Variants in BRF1 observed in about 807,000 individuals in gnomAD.
BRF1 encodes BRF1 general transcription factor IIIB subunit, also known as transcription factor IIIB 90 kDa subunit.
Under a neutral mutation model 81.7 loss-of-function variants are expected in BRF1, and 59 were observed. That is an observed-to-expected ratio of 0.72 (90% CI 0.59 to 0.90). The LOEUF (loss-of-function observed/expected upper bound fraction) is 0.90, where lower values mean the gene tolerates loss of function less well. BRF1 is among the 40% of genes least tolerant of loss of function. BRF1 has a pLI of 0.00. For missense variants in BRF1, 1,050 were observed against 936.3 expected (o/e 1.12, Z -1.58); for synonymous variants, 491 against 395.6 (o/e 1.24, Z -2.86).
intron 3 of BRF1, among the ~76,000 whole-genome samples, chr14:105,259,012 G>A (rs1208346317): frequency 6.6e-6 from 1 of 152,210 alleles, no homozygotes; most frequent in Non-Finnish European, 1.5e-5. Flanking sequence ...TGTGGGGCAA[G>A]CACAGCTCAC....
At position 105,269,625 on chromosome 14, in the gene BRF1, G is replaced by A. The variant is rs2056573921; in HGVS notation, c.439+3096C>T. 6.6e-6 allele frequency among the ~76,000 whole-genome samples: 1 copy of A among 152,128 alleles called. No individual in the cohort carries two copies. The highest frequency in any genetic ancestry group is 2.1e-4 in the South Asian group (1 of 4,830). On this transcript the variant is annotated intron_variant, in intron 3 of 17. Coordinates refer to ENST00000547530, the MANE Select transcript of BRF1 (RefSeq NM_001519.4). This position sits in a 1 kb window ranked among gnomAD's most constrained non-coding sequence, Gnocchi z 5.0. The stretch of plus-strand genomic sequence containing the variant: ...GCACACACTTAGTAGGAGGATCGCT[G>A]GAGCGTGTGGGAACTTTGTGGCTAA...
upstream of BRF1, among the ~76,000 whole-genome samples, chr14:105,302,306 C>G (rs1033400403): frequency 6.7e-6 from 1 of 148,864 alleles, no homozygotes; most frequent in African/African-American, 2.5e-5. Context: ...TGGGTTTAAG[C>G]GATTCTCCTC....
intron 3 of BRF1, among the ~76,000 whole-genome samples, chr14:105,260,656 A>G (rs2056106990): frequency 6.6e-6 from 1 of 152,132 alleles, no homozygotes; most frequent in Non-Finnish European, 1.5e-5. Flanking sequence ...GATTACAGAC[A>G]TAAGCCACCA....
intron 2 of BRF1, among the ~76,000 whole-genome samples, chr14:105,278,920 T>C (rs1377442567): frequency 6.6e-6 from 1 of 152,062 alleles, no homozygotes; most frequent in African/African-American, 2.4e-5. Context: ...GGTGCACACC[T>C]GTAATCCCAG....
chr14:105,302,193 T>C (rs1595507938), upstream of BRF1, among the ~76,000 whole-genome samples: 1 of 151,314 alleles, frequency 6.6e-6, no homozygotes, highest in African/African-American at 2.4e-5. Flanking sequence ...CCCACCCTCT[T>C]TTTTTTCTTT....
rs768368094 is a variant in BRF1 at position 105,218,136 on chromosome 14, C to T, written c.1516-336G>A. ...GCAGGGCCACATGCACACGGCAGGG[C>T]GATGTGCTGCTGCACTGTGAGGGCT... On this transcript the variant is annotated intron_variant, in intron 14 of 17. Transcript: ENST00000547530. Among the ~76,000 whole-genome samples the T allele has an allele frequency of 7.9e-4, 120 of 152,292 alleles. 1 individual carries two copies. Among genetic ancestry groups the T allele is most frequent in the Non-Finnish European group, 3.7e-4 (25 of 68,010 alleles).
intron 3 of BRF1, among the ~76,000 whole-genome samples, chr14:105,268,449 T>C (rs2140382930): frequency 6.6e-6 from 1 of 152,374 alleles, no homozygotes; most frequent in Admixed American, 6.5e-5. Flanking sequence ...AATCCGGGAC[T>C]GGCTGTGTCA....
chr14:105,267,055 AAAAG>A (rs1233122566), intron 3 of BRF1, among the ~76,000 whole-genome samples: 3 of 152,200 alleles, frequency 2.0e-5, no homozygotes, highest in Admixed American at 6.5e-5. Flanking sequence ...GAAAAAAATG[AAAAG>A]AAAGAAGCAG....
At position 105,271,600 on chromosome 14, in the gene BRF1, C is replaced by T. The variant is rs907427935; in HGVS notation, c.439+1121G>A. Among the ~76,000 whole-genome samples, 1 of 152,198 alleles carries T rather than the reference C, an allele frequency of 6.6e-6. No individual in the cohort carries two copies. The highest frequency in any genetic ancestry group is 6.5e-5 in the Admixed American group (1 of 15,272). The stretch of plus-strand genomic sequence containing the variant: ...GGTGTGGACCAGGAAGCGGGGAGTC[C>T]CCAGAGAGCAGGGAAAAGATGCAGG... On this transcript the variant is annotated intron_variant, in intron 3 of 17. Transcript: ENST00000547530. The surrounding 1 kb of genome is among the most constrained non-coding windows in gnomAD (Gnocchi z 5.5).
chr14:105,247,735 T>G (rs1364930011), intron 5 of BRF1: 1 of 985,396 alleles, frequency 1.0e-6, no homozygotes, highest in Non-Finnish European at 1.2e-6. Flanking sequence ...AGGTTGCGTG[T>G]GTGTCCTCGG....
chr14:105,300,644 G>A lies in BRF1; in HGVS notation c.-15C>T. ...CGGCCCGTCATGCCGGCGACCGCGC[G>A]GGCAGCGCCCGGAGCCTCCCAAGAC... On this transcript the variant is annotated 5_prime_UTR_variant, in exon 1 of 18. Coordinates refer to ENST00000547530, the MANE Select transcript of BRF1 (RefSeq NM_001519.4). The A allele has an allele frequency of 7.4e-7, 1 of 1,351,818 alleles. No individual in the cohort carries two copies. Among genetic ancestry groups the A allele is most frequent in the Non-Finnish European group, 9.4e-7 (1 of 1,062,724 alleles). The allele number at this position is 1,351,818 out of a possible 1,614,324, so 83.7% of individuals were successfully genotyped here.
At chr14:105,214,561 T>TGCCCACACCCCTG in intron 15 of BRF1, among the ~76,000 whole-genome samples, 1 of 144,478 alleles carries the variant, frequency 6.9e-6, no homozygotes, top group African/African-American at 2.5e-5. Context: ...GTGGCCCAGC[T>TGCCCACACCCCTG]CAGGTTCTGC....
chr14:105,303,093 T>TA (rs1442758245), upstream of BRF1, among the ~76,000 whole-genome samples: 1 of 152,148 alleles, frequency 6.6e-6, no homozygotes, highest in Non-Finnish European at 1.5e-5. Context: ...CACGCCCAGC[T>TA]AATTTTTGTA....
chr14:105,227,030 C>T (rs183714434), intron 7 of BRF1: 222 of 400,072 alleles, frequency 5.5e-4, no homozygotes, highest in Admixed American at 2.2e-3. Flanking sequence ...CAGGGAGAAT[C>T]GCTTGAGCCC....
At chr14:105,244,986 C>T (rs587617860) in intron 5 of BRF1, among the ~76,000 whole-genome samples, 1 of 152,030 alleles carries the variant, frequency 6.6e-6, no homozygotes, top group Admixed American at 6.6e-5. Context: ...AACAAGTAGT[C>T]CCCTCACCTC....
intron 5 of BRF1, chr14:105,248,600 C>A (rs1367318987): frequency 1.0e-6 from 1 of 961,632 alleles, no homozygotes; most frequent in Non-Finnish European, 1.2e-6. Context: ...ACGGCGCCCC[C>A]CGCGGCCGGG....
At chr14:105,249,394 C>T (rs1320266186) in intron 5 of BRF1, 2 of 1,613,188 alleles carry the variant, frequency 1.2e-6, no homozygotes. Flanking sequence ...GTCTTCTATG[C>T]CATGTTCTAC....
intron 6 of BRF1, among the ~76,000 whole-genome samples, chr14:105,229,267 C>T (rs1191462045): frequency 6.6e-6 from 1 of 152,232 alleles, no homozygotes; most frequent in Non-Finnish European, 1.5e-5. Flanking sequence ...CGGAGCCAGG[C>T]TGGGCAGGAA....
intron 1 of BRF1, among the ~76,000 whole-genome samples, chr14:105,297,714 C>T (rs1171406541): frequency 1.3e-5 from 2 of 152,238 alleles, no homozygotes; most frequent in African/African-American, 2.4e-5. Flanking sequence ...TGCTCCAAAA[C>T]GGCCCGGTGC....
Sources: gnomAD v4.1 joint callset for allele counts (sites outside exome capture counted in the v4.1 genomes callset) on GRCh38, gnomAD v4.1.1 for gene constraint, Gnocchi (gnomAD v3.1) non-coding constraint, MANE v1.5 for transcripts, NCBI Gene and HGNC (gene_info 2026-07-23, HGNC 2026-07-21) for gene names.